TCF7L2: variants seen among roughly 807,000 people sequenced by gnomAD.
TCF7L2 encodes transcription factor 7-like 2.
A neutral mutation model predicts 77.9 loss-of-function variants in TCF7L2; 23 were observed. The ratio of observed to expected loss-of-function variants is 0.30; its 90% CI spans 0.21 to 0.42. The LOEUF is 0.42. TCF7L2 is among the 10% of genes least tolerant of loss of function. TCF7L2 has a pLI of 1.00. For synonymous variants in TCF7L2, 413 were observed against 340.2 expected, an observed-to-expected ratio of 1.21 and a Z score of -2.36; for missense variants, 654 against 793.1, an observed-to-expected ratio of 0.82 and a Z score of 2.11.
intron 5 of TCF7L2, among the ~76,000 whole-genome samples, chr10:113,044,401 T>G (rs2134366653): frequency 6.6e-6 from 1 of 152,336 alleles, no homozygotes; most frequent in African/African-American, 2.4e-5. Flanking sequence ...AAACACTACC[T>G]AGAGAGCACC....
At chr10:113,144,891 T>C (rs2069054994) in intron 7 of TCF7L2, among the ~76,000 whole-genome samples, 2 of 152,332 alleles carry the variant, frequency 1.3e-5, no homozygotes, top group East Asian at 3.9e-4. Context: ...GTGTGTAATA[T>C]GTGTTTCGTG....
chr10:113,165,406 G>C, intron 13 of TCF7L2, 149 bp from the exon 15 acceptor site: 3 of 828,084 alleles, frequency 3.6e-6, no homozygotes, highest in Non-Finnish European at 2.0e-6. Flanking sequence ...CCCTGGGGGG[G>C]CGCCACTGTA....
At chr10:113,159,848 T>TC (rs71007416) in intron 12 of TCF7L2, 72 bp from the exon 14 acceptor site, 24 of 323,166 alleles carry the variant, frequency 7.4e-5, no homozygotes, top group Middle Eastern at 9.4e-4. Flanking sequence ...CCCCCCCCTC[T>TC]TTCTCTCTCT....
At chr10:113,122,912 A>G (rs7919229) in intron 5 of TCF7L2, among the ~76,000 whole-genome samples, 11,004 of 152,266 alleles carry the variant, frequency 0.072, 1,352 homozygotes, top group African/African-American at 0.25. Context: ...GCATCAATTC[A>G]TATAATTAAT....
At chr10:113,160,506 CAAAT>C in intron 12 of TCF7L2, 1 of 853,542 alleles carries the variant, frequency 1.2e-6, no homozygotes, top group Non-Finnish European at 1.7e-6. Context: ...GGAAGATTAT[CAAAT>C]AGAACCAAGG....
intron 13 of TCF7L2, among the ~76,000 whole-genome samples, chr10:113,165,303 G>C (rs2073937142): frequency 6.6e-6 from 1 of 152,180 alleles, no homozygotes; most frequent in Non-Finnish European, 1.5e-5. Context: ...GTGTTTAGTA[G>C]GGGTTGGGGG....
intron 4 of TCF7L2, among the ~76,000 whole-genome samples, chr10:113,028,493 T>C (rs200405461): frequency 1.3e-5 from 2 of 152,094 alleles, no homozygotes; most frequent in African/African-American, 4.8e-5. Flanking sequence ...CAATAAAAAT[T>C]TGGACAGGGA....
intron 4 of TCF7L2, among the ~76,000 whole-genome samples, chr10:112,997,029 A>G (rs867190669): frequency 5.9e-5 from 9 of 152,234 alleles, no homozygotes; most frequent in Non-Finnish European, 1.0e-4. Context: ...GGAATTAACA[A>G]TGTTCCTGCC....
intron 5 of TCF7L2, among the ~76,000 whole-genome samples, chr10:113,104,348 C>A (rs1591736129): frequency 6.6e-6 from 1 of 152,302 alleles, no homozygotes; most frequent in Non-Finnish European, 1.5e-5. Context: ...GGGTTGTTGG[C>A]AAGCAATTTT....
At chr10:112,999,405 A>T (rs2044076069) in intron 4 of TCF7L2, among the ~76,000 whole-genome samples, 1 of 152,088 alleles carries the variant, frequency 6.6e-6, no homozygotes, top group African/African-American at 2.4e-5. Flanking sequence ...CTTTGTGGGG[A>T]GGTTTACGAG....
intron 5 of TCF7L2, among the ~76,000 whole-genome samples, chr10:113,081,631 A>C (rs1247016411): frequency 1.3e-5 from 2 of 152,206 alleles, no homozygotes; most frequent in Admixed American, 6.5e-5. Context: ...TGTCAGTTGC[A>C]TATGGAAATA....
At chr10:113,124,436 AT>A (rs1236037467) in intron 5 of TCF7L2, among the ~76,000 whole-genome samples, 1 of 152,106 alleles carries the variant, frequency 6.6e-6, no homozygotes, top group Non-Finnish European at 1.5e-5. Flanking sequence ...CACATCTGTC[AT>A]TTTATCCCTT....
Position 113,120,131 on chromosome 10 carries a change from G to A in TCF7L2, c.553-21053G>A, listed in dbSNP as rs562567033. On this transcript the variant is annotated intron_variant, in intron 5 of 13. Transcript: ENST00000627217. ...CTCCGCCAATAAAAGGTTACAGTAC[G>A]TGATTTGCATGCCAAGTGGGGTTTG... Among the ~76,000 whole-genome samples, 3 of 152,310 alleles carry A rather than the reference G, an allele frequency of 2.0e-5. No homozygotes were observed. The East Asian group carries it at 5.8e-4, about 29-fold the overall frequency.
chr10:113,127,508 A>G (rs1231696468), intron 5 of TCF7L2, among the ~76,000 whole-genome samples: 1 of 152,112 alleles, frequency 6.6e-6, no homozygotes, highest in African/African-American at 2.4e-5. Context: ...CCTCCTGCAC[A>G]TGATTGTAAT....
At chr10:113,092,693 G>A (rs567306559) in intron 5 of TCF7L2, among the ~76,000 whole-genome samples, 61 of 152,202 alleles carry the variant, frequency 4.0e-4, no homozygotes, top group African/African-American at 9.9e-4. Flanking sequence ...GTGAAACCCC[G>A]TCTCTACTAA....
intron 11 of TCF7L2, 41 bp from the exon 12 acceptor site, chr10:113,157,980 G>A (rs1465977457): frequency 1.3e-6 from 2 of 1,558,598 alleles, no homozygotes; most frequent in Non-Finnish European, 1.7e-6. Context: ...TCTCACATCT[G>A]TTTCTTGCAG....
At chr10:113,128,012 C>G (rs566665588) in intron 5 of TCF7L2, among the ~76,000 whole-genome samples, 1 of 151,840 alleles carries the variant, frequency 6.6e-6, no homozygotes, top group Admixed American at 6.6e-5. Flanking sequence ...CGGCAGAGAA[C>G]TTGCAGTTTA....
At chr10:113,155,651 C>A (rs1201264641) in intron 11 of TCF7L2, among the ~76,000 whole-genome samples, 1 of 152,220 alleles carries the variant, frequency 6.6e-6, no homozygotes, top group East Asian at 1.9e-4. Flanking sequence ...GATGCTTTTT[C>A]ACACATGGCT....
chr10:113,087,716 G>A (rs2059974211), intron 5 of TCF7L2, among the ~76,000 whole-genome samples: 1 of 152,150 alleles, frequency 6.6e-6, no homozygotes, highest in Non-Finnish European at 1.5e-5. Flanking sequence ...CTGGTTGGTG[G>A]CTCTCAAAAT....
Sources: gnomAD v4.1 joint callset for allele counts (sites outside exome capture counted in the v4.1 genomes callset) on GRCh38, gnomAD v4.1.1 for gene constraint, MANE v1.5 for transcripts, NCBI Gene and HGNC (gene_info 2026-07-23, HGNC 2026-07-21) for gene names.